Variants in MORC1 observed in about 807,000 individuals in gnomAD.
The protein encoded by MORC1 is MORC family CW-type zinc finger 1.
A neutral mutation model predicts 134.9 loss-of-function variants in MORC1; 59 were observed. The observed-to-expected ratio is 0.44, with a 90% CI of 0.35 to 0.54. MORC1 has a LOEUF of 0.54. Among genes scored for constraint, MORC1 ranks in the 20% least tolerant of loss-of-function variants. The pLI, the probability that MORC1 is intolerant of heterozygous loss-of-function variation, is 0.00. For missense variants in MORC1, 947 were observed against 1,134.5 expected (o/e 0.83, Z 2.37); for synonymous variants, 395 against 391.7 (o/e 1.01, Z -0.10).
At chr3:109,029,990 T>C (rs867823902) in intron 16 of MORC1, among the ~76,000 whole-genome samples, 7 of 152,178 alleles carry the variant, frequency 4.6e-5, no homozygotes, top group Non-Finnish European at 8.8e-5. Context: ...AGGCCTTTTA[T>C]AAAAATGGAA....
At chr3:109,106,146 C>T (rs1951029668) in intron 3 of MORC1, among the ~76,000 whole-genome samples, 1 of 152,202 alleles carries the variant, frequency 6.6e-6, no homozygotes, top group Non-Finnish European at 1.5e-5. Context: ...TTGGTATTTT[C>T]TCGTAAAATT....
chr3:109,101,907 C>T (rs1255977805), intron 4 of MORC1, among the ~76,000 whole-genome samples: 5 of 152,174 alleles, frequency 3.3e-5, no homozygotes. Flanking sequence ...CATGGTATAG[C>T]TCTGAACCAA....
chr3:109,075,960 G>A (rs747337619), intron 8 of MORC1, among the ~76,000 whole-genome samples: 40 of 151,978 alleles, frequency 2.6e-4, no homozygotes, highest in Non-Finnish European at 5.3e-4. Context: ...AAGCAATGGC[G>A]ACAAAAGCCA....
At chr3:109,027,091 T>C (rs1011892108) in intron 17 of MORC1, among the ~76,000 whole-genome samples, 4 of 152,200 alleles carry the variant, frequency 2.6e-5, no homozygotes, top group Non-Finnish European at 5.9e-5. Context: ...GTCCACACAT[T>C]TGGACATATG....
intron 26 of MORC1, among the ~76,000 whole-genome samples, chr3:108,968,747 A>T (rs1947285913): frequency 7.7e-6 from 1 of 129,446 alleles, no homozygotes; most frequent in Admixed American, 7.3e-5. Context: ...AGAAGATGCT[A>T]ATGGATGCAC....
intron 17 of MORC1, among the ~76,000 whole-genome samples, chr3:109,010,601 T>C (rs1364968572): frequency 6.6e-6 from 1 of 152,186 alleles, no homozygotes. Context: ...GATATATGTA[T>C]AATAATCAAG....
At chr3:108,980,631 T>G (rs895446625) in intron 23 of MORC1, among the ~76,000 whole-genome samples, 1 of 152,222 alleles carries the variant, frequency 6.6e-6, no homozygotes, top group East Asian at 1.9e-4. Flanking sequence ...TCTTGTTAAT[T>G]AGACTCTGCA....
intron 24 of MORC1, among the ~76,000 whole-genome samples, chr3:108,977,019 T>G (rs1947582654): frequency 6.6e-6 from 1 of 152,130 alleles, no homozygotes; most frequent in Non-Finnish European, 1.5e-5. Context: ...TTGATCTATC[T>G]GAAAAAGAAA....
At chr3:109,115,110 T>G (rs780030050) in intron 1 of MORC1, among the ~76,000 whole-genome samples, 3 of 152,246 alleles carry the variant, frequency 2.0e-5, no homozygotes, top group Non-Finnish European at 4.4e-5. Flanking sequence ...CTCCCATGCT[T>G]GCTTCTCATG....
chr3:109,065,316 A>C (rs370042936), intron 9 of MORC1, among the ~76,000 whole-genome samples: 1 of 151,922 alleles, frequency 6.6e-6, no homozygotes, highest in East Asian at 1.9e-4. Flanking sequence ...ATCTACTTCG[A>C]TCTGTTTTCT....
chr3:108,989,669 CTTATTA>C (rs1487490909), intron 21 of MORC1, among the ~76,000 whole-genome samples: 2 of 152,140 alleles, frequency 1.3e-5, no homozygotes, highest in South Asian at 2.1e-4. Flanking sequence ...ACTTCAAGCA[CTTATTA>C]TTATGAAGGA....
At chr3:109,005,599 T>C (rs937831751) in intron 18 of MORC1, among the ~76,000 whole-genome samples, 11 of 152,156 alleles carry the variant, frequency 7.2e-5, no homozygotes, top group Middle Eastern at 3.2e-3. Flanking sequence ...TTTCCCCCAA[T>C]AGAGGTTCGC....
intron 8 of MORC1, among the ~76,000 whole-genome samples, chr3:109,083,072 G>A (rs1455254219): frequency 1.3e-5 from 2 of 151,998 alleles, no homozygotes; most frequent in Admixed American, 6.6e-5. Context: ...GCTCCAATTC[G>A]TCTAGCAATA....
At chr3:108,979,028 C>A (rs955147503) in intron 24 of MORC1, among the ~76,000 whole-genome samples, 2 of 152,080 alleles carry the variant, frequency 1.3e-5, no homozygotes, top group Admixed American at 6.5e-5. Flanking sequence ...GAACTTTTTC[C>A]TCTCCTTGTC....
chr3:108,984,167 C>A (rs1323349804), intron 23 of MORC1, among the ~76,000 whole-genome samples: 1 of 152,122 alleles, frequency 6.6e-6, no homozygotes, highest in Non-Finnish European at 1.5e-5. Context: ...TTCAGAGAAA[C>A]TGGGTCTGAA....
At chr3:109,004,934 T>C (rs1948501809) in intron 19 of MORC1, 46 bp from the exon 20 acceptor site, 2 of 1,593,122 alleles carry the variant, frequency 1.3e-6, no homozygotes, top group Non-Finnish European at 8.6e-7. Flanking sequence ...AATTGGGACC[T>C]TGTCCAGGAA....
At chr3:109,100,793 CT>C (rs892472188) in intron 4 of MORC1, among the ~76,000 whole-genome samples, 20 of 151,822 alleles carry the variant, frequency 1.3e-4, no homozygotes, top group East Asian at 3.9e-4. Context: ...CACGTACAGA[CT>C]TTTTTTTTGT....
intron 14 of MORC1, among the ~76,000 whole-genome samples, chr3:109,054,066 G>A (rs146773582): frequency 2.0e-5 from 3 of 151,786 alleles, no homozygotes; most frequent in African/African-American, 7.3e-5. Context: ...GGTGGATCAC[G>A]AGGTCAGGAG....
chr3:109,036,176 T>C (rs1320523774), intron 14 of MORC1, among the ~76,000 whole-genome samples: 4 of 152,198 alleles, frequency 2.6e-5, no homozygotes, highest in Non-Finnish European at 5.9e-5. Context: ...TGACAAATTC[T>C]GTTCCCCAAA....
Sources: allele counts gnomAD v4.1 joint callset (sites outside exome capture counted in the v4.1 genomes callset), GRCh38; gene constraint gnomAD v4.1.1; transcripts MANE v1.5; gene names NCBI Gene and HGNC (gene_info 2026-07-23, HGNC 2026-07-21).